Variants in RIMS2 observed in about 807,000 individuals in gnomAD.
The protein encoded by RIMS2 is regulating synaptic membrane exocytosis 2.
RIMS2 carries 59 observed loss-of-function variants against 174.4 expected under a neutral mutation model. The observed-to-expected ratio is 0.34, with a 90% confidence interval of 0.27 to 0.42. The LOEUF is 0.42. Among genes scored for constraint, RIMS2 ranks in the 10% least tolerant of loss-of-function variants. The pLI is 1.00. For synonymous variants in RIMS2, 606 were observed against 572.5 expected, an observed-to-expected ratio of 1.06 and a Z score of -0.84; for missense variants, 1,620 against 1,666.3, an observed-to-expected ratio of 0.97 and a Z score of 0.48.
At chr8:103,613,009 G>A (rs2095420800) in intron 1 of RIMS2, among the ~76,000 whole-genome samples, 1 of 152,298 alleles carries the variant, frequency 6.6e-6, no homozygotes, top group South Asian at 2.1e-4. Flanking sequence ...CAGACCTGAA[G>A]CCAACAGAGC....
intron 1 of RIMS2, among the ~76,000 whole-genome samples, chr8:103,661,797 A>C (rs1350808213): frequency 6.6e-6 from 1 of 152,158 alleles, no homozygotes; most frequent in Non-Finnish European, 1.5e-5. Flanking sequence ...GAGCCACTGC[A>C]TCTAGCCTAG....
chr8:103,825,262 A>T (rs1373426691), intron 3 of RIMS2, among the ~76,000 whole-genome samples: 1 of 151,876 alleles, frequency 6.6e-6, no homozygotes, highest in Non-Finnish European at 1.5e-5. Context: ...CATTTTACTC[A>T]GCATAATTTT....
At chr8:104,256,054 T>C (rs78603327), downstream of RIMS2, 38 of 152,312 alleles carry the variant, frequency 2.5e-4, no homozygotes, top group East Asian at 5.4e-3. Context: ...TCAAAAACAA[T>C]GTTTGACACA....
chr8:104,114,107 T>G (rs2131930209), intron 19 of RIMS2, among the ~76,000 whole-genome samples: 1 of 152,174 alleles, frequency 6.6e-6, no homozygotes, highest in African/African-American at 2.4e-5. Context: ...ATTCCTAATT[T>G]TTGTCAATGT....
intron 2 of RIMS2, among the ~76,000 whole-genome samples, chr8:103,698,309 T>C (rs2097130545): frequency 6.6e-6 from 1 of 152,178 alleles, no homozygotes; most frequent in South Asian, 2.1e-4. Context: ...AGACGTTCCA[T>C]TGTATTGTTC....
intron 3 of RIMS2, among the ~76,000 whole-genome samples, chr8:103,832,647 T>C (rs1309117587): frequency 6.6e-6 from 1 of 152,228 alleles, no homozygotes; most frequent in African/African-American, 2.4e-5. Context: ...TTTGGTTTTC[T>C]GTTCCTGTAT....
intron 19 of RIMS2, among the ~76,000 whole-genome samples, chr8:104,217,130 C>T (rs1332351288): frequency 6.6e-6 from 1 of 152,080 alleles, no homozygotes; most frequent in African/African-American, 2.4e-5. Context: ...TGAGTTAAAT[C>T]TTACCATTAG....
At chr8:104,230,685 G>A (rs1587924399) in intron 19 of RIMS2, among the ~76,000 whole-genome samples, 1 of 151,908 alleles carries the variant, frequency 6.6e-6, no homozygotes, top group South Asian at 2.1e-4. Flanking sequence ...AAAATAATTG[G>A]TTGTTCCCTT....
At chr8:103,884,630 G>T (rs2099188979) in intron 3 of RIMS2, among the ~76,000 whole-genome samples, 1 of 151,638 alleles carries the variant, frequency 6.6e-6, no homozygotes, top group South Asian at 2.1e-4. Flanking sequence ...AAATGAAGAT[G>T]GAATAAAAAT....
chr8:103,646,440 A>G (rs555172701), intron 1 of RIMS2, among the ~76,000 whole-genome samples: 2 of 152,166 alleles, frequency 1.3e-5, no homozygotes, highest in Admixed American at 6.6e-5. Flanking sequence ...GGTTTCTTAC[A>G]TAGGCAAATG....
intron 17 of RIMS2, chr8:103,998,200 A>G: frequency 2.5e-6 from 4 of 1,607,206 alleles, no homozygotes; most frequent in African/African-American, 2.7e-5. Context: ...TTCTTACTCT[A>G]CCTCGCTCCA....
intron 15 of RIMS2, among the ~76,000 whole-genome samples, chr8:103,967,851 CTTTTTTT>C (rs1183741701): frequency 9.1e-6 from 1 of 109,556 alleles, no homozygotes. Context: ...CCTACTCCTG[CTTTTTTT>C]TTTTTTTTTT....
intron 3 of RIMS2, among the ~76,000 whole-genome samples, chr8:103,869,899 T>C (rs1184868341): frequency 6.6e-6 from 1 of 152,308 alleles, no homozygotes; most frequent in East Asian, 1.9e-4. Flanking sequence ...AATAGTCACT[T>C]GTGGCAGTTA....
chr8:103,814,024 TA>T (rs1382124417), intron 3 of RIMS2, among the ~76,000 whole-genome samples: 1 of 152,000 alleles, frequency 6.6e-6, no homozygotes, highest in Non-Finnish European at 1.5e-5. Context: ...GTAGACTGCA[TA>T]AAAAAATGTG....
At chr8:103,869,865 T>C (rs934842763) in intron 3 of RIMS2, among the ~76,000 whole-genome samples, 3 of 152,160 alleles carry the variant, frequency 2.0e-5, no homozygotes, top group African/African-American at 7.2e-5. Flanking sequence ...AGAACAGTGG[T>C]AGAGTTGTTA....
At chr8:104,138,862 T>A (rs1317885141) in intron 19 of RIMS2, among the ~76,000 whole-genome samples, 1 of 152,184 alleles carries the variant, frequency 6.6e-6, no homozygotes, top group African/African-American at 2.4e-5. Flanking sequence ...CCTGGAGAGT[T>A]TCCCCAATGT....
At chr8:104,216,630 T>A (rs1005120015) in intron 19 of RIMS2, among the ~76,000 whole-genome samples, 2 of 152,142 alleles carry the variant, frequency 1.3e-5, no homozygotes, top group African/African-American at 4.8e-5. Flanking sequence ...ATATAAAGAG[T>A]ATAGTAATAT....
At chr8:103,957,050 G>T (rs915893559) in intron 14 of RIMS2, among the ~76,000 whole-genome samples, 1 of 152,064 alleles carries the variant, frequency 6.6e-6, no homozygotes, top group Non-Finnish European at 1.5e-5. Flanking sequence ...CCACAGTAAG[G>T]TACCATCTCA....
At chr8:104,061,207 A>G (rs1394475072) in intron 19 of RIMS2, among the ~76,000 whole-genome samples, 5 of 152,088 alleles carry the variant, frequency 3.3e-5, no homozygotes, top group Non-Finnish European at 7.4e-5. Context: ...TGGGAGTCTA[A>G]GTCTCTTTGT....
Sources: allele counts gnomAD v4.1 joint callset (sites outside exome capture counted in the v4.1 genomes callset), GRCh38; gene constraint gnomAD v4.1.1; transcripts MANE v1.5; gene names NCBI Gene and HGNC (gene_info 2026-07-23, HGNC 2026-07-21).